HECA: variants seen among roughly 807,000 people sequenced by gnomAD.
HECA encodes headcase protein homolog.
HECA carries 13 observed loss-of-function variants against 37.6 expected under a neutral mutation model. The ratio of observed to expected loss-of-function variants is 0.35; its 90% CI spans 0.23 to 0.55. The LOEUF (loss-of-function observed/expected upper bound fraction) is 0.55, where lower values mean the gene tolerates loss of function less well. Ranked by LOEUF, HECA falls within the 20% of genes least tolerant of loss-of-function variation. The pLI is 0.90. For missense variants in HECA, 527 were observed against 701.9 expected (o/e 0.75, Z 2.82); for synonymous variants, 307 against 291.5 (o/e 1.05, Z -0.54).
At position 139,144,296 on chromosome 6, in the gene HECA, A is replaced by G. The variant is rs1384914520; in HGVS notation, c.271+8629A>G. On this transcript the variant is annotated intron_variant, in intron 1 of 3. Transcript: ENST00000367658. ...GGGGGGATCAGAATCCATACCATCA[A>G]GGGCTCACTGTGAAGCTGGCAGAGA... 3.9e-5 allele frequency: 6 copies of G among 152,346 alleles called. No individual in the cohort carries two copies. The East Asian group carries it at 9.6e-4, about 24-fold the overall frequency. 9.4% of individuals were successfully genotyped at this position (152,346 alleles called of 1,614,324 possible).
Position 139,174,527 on chromosome 6 carries a change from T to A in HECA, c.1455T>A (p.Ser485=). The part of the protein sequence containing the change: ...TMYTYDILAA[S]PCCQARLNCK... ...ACACCTACGACATCCTGGCTGCCTC[T>A]CCATGTTGTCAGGTAGGTACTGAAC... The change falls in exon 3 of 4, where the codon TCT becomes TCA. Residue 485 remains serine (S), a synonymous_variant. Coordinates refer to ENST00000367658, the MANE Select transcript of HECA (RefSeq NM_016217.3). 1 of 1,614,030 alleles carries A rather than the reference T, an allele frequency of 6.2e-7. No homozygotes were observed. The highest frequency in any genetic ancestry group is 1.1e-5 in the South Asian group (1 of 91,068).
At chr6:139,144,396 G>A (rs1338387105) in intron 1 of HECA, 1 of 152,276 alleles carries the variant, frequency 6.6e-6, no homozygotes. Flanking sequence ...CTGGAGGAGG[G>A]GACATTTGAG....
intron 1 of HECA, among the ~76,000 whole-genome samples, chr6:139,145,029 G>A (rs1326772610): frequency 1.3e-5 from 2 of 152,268 alleles, no homozygotes; most frequent in Admixed American, 6.5e-5. Flanking sequence ...TTTATTTTTC[G>A]TACCTAGGTA....
intron 1 of HECA, chr6:139,144,562 G>C (rs1414911111): frequency 1.3e-5 from 2 of 152,644 alleles, no homozygotes; most frequent in East Asian, 3.8e-4. Context: ...TGGAAAGGGG[G>C]CTGGGTCAGA....
rs372964075 is a variant in HECA, at chr6:139,174,594, A to C, written c.1467+55A>C. On this transcript the variant is annotated intron_variant, in intron 3 of 3. Coordinates refer to ENST00000367658, the MANE Select transcript of HECA (RefSeq NM_016217.3). Reference sequence around the variant, plus strand: ...GGGTGATATTAGGCTTCTGTCCCCAAGTGAATGTAGGGAAGATGCGTCTGG... The same window carrying C: ...GGGTGATATTAGGCTTCTGTCCCCACGTGAATGTAGGGAAGATGCGTCTGG... The C allele has an allele frequency of 1.1e-5, 17 of 1,583,426 alleles. No individual in the cohort carries two copies. In the East Asian group the frequency reaches 1.8e-4, roughly 17 times the overall value.
chr6:139,175,968 A>G (rs991380540), intron 3 of HECA, among the ~76,000 whole-genome samples: 3 of 152,376 alleles, frequency 2.0e-5, no homozygotes, highest in South Asian at 2.1e-4. Context: ...TACAAGTGTT[A>G]GACGCTACTA....
intron 1 of HECA, among the ~76,000 whole-genome samples, chr6:139,147,686 A>G (rs1562243527): frequency 6.6e-6 from 1 of 152,194 alleles, no homozygotes; most frequent in East Asian, 1.9e-4. Flanking sequence ...TACTTGACCC[A>G]AGGAAGCACT....
At chr6:139,141,525 T>C (rs1034196666) in intron 1 of HECA, among the ~76,000 whole-genome samples, 8 of 152,218 alleles carry the variant, frequency 5.3e-5, no homozygotes, top group Non-Finnish European at 1.5e-5. Context: ...TTGTTTCTGC[T>C]GCCACAACAA....
chr6:139,175,617 G>C (rs1410296483), intron 3 of HECA, among the ~76,000 whole-genome samples: 1 of 152,116 alleles, frequency 6.6e-6, no homozygotes, highest in East Asian at 1.9e-4. Flanking sequence ...CACTGGAAAG[G>C]ACCTGGGATC....
intron 1 of HECA, among the ~76,000 whole-genome samples, chr6:139,165,546 T>G (rs1046912756): frequency 6.6e-6 from 1 of 152,090 alleles, no homozygotes; most frequent in Non-Finnish European, 1.5e-5. Context: ...AAATCCTCTG[T>G]GCTTCACCTG....
chr6:139,174,603 A>C, intron 3 of HECA, 64 bp downstream of exon 3: 1 of 1,568,554 alleles, frequency 6.4e-7, no homozygotes, highest in African/African-American at 1.4e-5. Context: ...AAGTGAATGT[A>C]GGGAAGATGC....
chr6:139,152,132 G>A (rs181156072), intron 1 of HECA, among the ~76,000 whole-genome samples: 15 of 152,260 alleles, frequency 9.9e-5, no homozygotes, highest in East Asian at 7.7e-4. Flanking sequence ...TTCTGGGTCC[G>A]TATTCTTTTG....
At chr6:139,137,617 C>A (rs563500728) in intron 1 of HECA, among the ~76,000 whole-genome samples, 13 of 147,256 alleles carry the variant, frequency 8.8e-5, no homozygotes, top group Non-Finnish European at 1.8e-4. Flanking sequence ...CTCTGCCCAC[C>A]CCCCTACCAG....
rs1775043268 is a variant in HECA, at chr6:139,175,752, T to C, written c.1468-1189T>C. ...GTGACTCCTGTTCTGGTGTTCTTTC[T>C]GGTACACCATTGAAAGGCAATGAGA... On this transcript the variant is annotated intron_variant, in intron 3 of 3. Coordinates refer to ENST00000367658, the MANE Select transcript of HECA (RefSeq NM_016217.3). 3.3e-5 allele frequency among the ~76,000 whole-genome samples: 5 copies of C among 152,316 alleles called. No individual in the cohort carries two copies. In the South Asian group the frequency reaches 1.0e-3, roughly 32 times the overall value.
intron 2 of HECA, among the ~76,000 whole-genome samples, chr6:139,172,096 G>C (rs541478703): frequency 4.6e-5 from 7 of 152,270 alleles, no homozygotes; most frequent in Non-Finnish European, 8.8e-5. Flanking sequence ...CTCCCAAAGT[G>C]CTGGGATTAT....
At chr6:139,142,895 C>T (rs1774533216) in intron 1 of HECA, among the ~76,000 whole-genome samples, 2 of 152,192 alleles carry the variant, frequency 1.3e-5, no homozygotes, top group Non-Finnish European at 2.9e-5. Flanking sequence ...TTGCAGTGAG[C>T]TGAGATCGCG....
At chr6:139,175,532 C>T (rs751848560) in intron 3 of HECA, among the ~76,000 whole-genome samples, 4 of 152,026 alleles carry the variant, frequency 2.6e-5, no homozygotes, top group African/African-American at 7.2e-5. Context: ...ACACACACAC[C>T]GTGGAGGATT....
intron 1 of HECA, among the ~76,000 whole-genome samples, chr6:139,148,287 A>G (rs1307277208): frequency 1.3e-5 from 2 of 152,234 alleles, no homozygotes; most frequent in Non-Finnish European, 2.9e-5. Context: ...TAACATCCAC[A>G]TAGAAATAAA....
In HECA at chr6:139,176,646, G is replaced by A. The variant is rs763522641; in HGVS notation, c.1468-295G>A. Among the ~76,000 whole-genome samples, 19 of 152,182 alleles carry A rather than the reference G, an allele frequency of 1.2e-4. No homozygotes were observed. Among genetic ancestry groups the A allele is most frequent in the African/African-American group, 3.9e-4 (16 of 41,436 alleles). On this transcript the variant is annotated intron_variant, in intron 3 of 3. Transcript: ENST00000367658. The surrounding 1 kb of genome is among the most constrained non-coding windows in gnomAD (Gnocchi z 4.5). Reference sequence around the variant, plus strand: ...TGGGTGAGGGAAGTCAGCTTCAGCCGCTGTCTTAAAATCCAGGGGGAGGGG... The same window carrying A: ...TGGGTGAGGGAAGTCAGCTTCAGCCACTGTCTTAAAATCCAGGGGGAGGGG...
Sources: allele counts gnomAD v4.1 joint callset (sites outside exome capture counted in the v4.1 genomes callset), GRCh38; gene constraint gnomAD v4.1.1; non-coding constraint Gnocchi (gnomAD v3.1); transcripts MANE v1.5; gene names NCBI Gene and HGNC (gene_info 2026-07-23, HGNC 2026-07-21).